Variants in CNOT7 observed in about 807,000 individuals in gnomAD.
CNOT7 encodes the protein BTG1-binding factor 1.
A neutral mutation model predicts 37.1 loss-of-function variants in CNOT7; 4 were observed. The observed-to-expected ratio is 0.11, with a 90% CI of 0.05 to 0.25. The LOEUF is 0.25. Ranked by LOEUF, CNOT7 falls within the 10% of genes least tolerant of loss-of-function variation. The pLI is 1.00. For synonymous variants in CNOT7, 128 were observed against 115.6 expected (o/e 1.11, Z -0.69); for missense variants, 170 against 336.2 (o/e 0.51, Z 3.87).
chr8:17,243,965 G>A (rs560060116), intron 2 of CNOT7, among the ~76,000 whole-genome samples: 2 of 152,102 alleles, frequency 1.3e-5, no homozygotes, highest in South Asian at 4.2e-4. Context: ...AAGATACATC[G>A]GTTTAGTATT....
chr8:17,230,894 A>T, intron 6 of CNOT7, 46 bp from the exon 7 acceptor site: 1 of 1,377,174 alleles, frequency 7.3e-7, no homozygotes. Context: ...TTTAACCAAA[A>T]GGAACCACTT....
In CNOT7 at chr8:17,225,361, C is replaced by CA. The variant is rs1370482579; in HGVS notation, c.*5358dup. ...TATATTCATGAATGCTTCTCATATA[C>CA]AAAAAATTCCTCCATACCAGGAAGG... On this transcript the variant is annotated 3_prime_UTR_variant, in exon 7 of 7. Transcript: ENST00000361272. 1 of 151,602 alleles carries CA rather than the reference C, an allele frequency of 6.6e-6. No individual in the cohort carries two copies. Among genetic ancestry groups the CA allele is most frequent in the Non-Finnish European group, 1.5e-5 (1 of 67,668 alleles). The allele number at this position is 151,602 out of a possible 1,614,324, so 9.4% of individuals were successfully genotyped here.
chr8:17,236,323 T>G (rs761466810), intron 4 of CNOT7, among the ~76,000 whole-genome samples: 2 of 152,214 alleles, frequency 1.3e-5, no homozygotes, highest in Non-Finnish European at 2.9e-5. Flanking sequence ...AACACAATGC[T>G]TTTTCAAAAC....
At position 17,225,569 on chromosome 8, in the gene CNOT7, T is replaced by C. The variant is rs867436783; in HGVS notation, c.*5151A>G. 6.6e-6 allele frequency: 1 copy of C among 151,728 alleles called. No individual in the cohort carries two copies. The highest frequency in any genetic ancestry group is 2.4e-5 in the African/African-American group (1 of 41,408). 9.4% of individuals were successfully genotyped at this position (151,728 alleles called of 1,614,324 possible). A position where few individuals can be genotyped will look rare whatever the true frequency, so the allele number is the denominator to read the frequency against. ...GCTGTAGAAAACTGTTTAAAACAAA[T>C]GGAAATTGTCTAGTGATAATGTACA... On this transcript the variant is annotated 3_prime_UTR_variant, in exon 7 of 7. Transcript: ENST00000361272.
chr8:17,227,808 G>T lies in CNOT7; in HGVS notation c.*2912C>A, dbSNP rs1485786575. 1.3e-5 allele frequency: 2 copies of T among 151,848 alleles called. No individual in the cohort carries two copies. Among genetic ancestry groups the T allele is most frequent in the East Asian group, 1.9e-4 (1 of 5,176 alleles). 9.4% of individuals were successfully genotyped at this position (151,848 alleles called of 1,614,324 possible). A position where few individuals can be genotyped will look rare whatever the true frequency, so the allele number is the denominator to read the frequency against. On this transcript the variant is annotated 3_prime_UTR_variant, in exon 7 of 7. Coordinates refer to ENST00000361272, the MANE Select transcript of CNOT7 (RefSeq NM_013354.7). ...CCATATTCCAATGTGCCTTGAAAGT[G>T]TAACATTCAAAGGTACTTTTCTTGT...
rs1328276454 is a variant in CNOT7 at position 17,229,586 on chromosome 8, C to T, written c.*1134G>A. On this transcript the variant is annotated 3_prime_UTR_variant, in exon 7 of 7. Coordinates refer to ENST00000361272, the MANE Select transcript of CNOT7 (RefSeq NM_013354.7). ...ATATAAAATAGATTGCAAAGATATACACAAAAAAATAAGCATTACACTCCT... is the reference window on the plus strand; with the variant it reads ...ATATAAAATAGATTGCAAAGATATATACAAAAAAATAAGCATTACACTCCT... The T allele has an allele frequency of 6.6e-6, 1 of 151,546 alleles. No individual in the cohort carries two copies. The highest frequency in any genetic ancestry group is 1.5e-5 in the Non-Finnish European group (1 of 67,678). 9.4% of individuals were successfully genotyped at this position (151,546 alleles called of 1,614,324 possible). A position where few individuals can be genotyped will look rare whatever the true frequency, so the allele number is the denominator to read the frequency against.
rs113899477 is a variant in CNOT7, at chr8:17,240,265, A to G, written c.311+2727T>C. Among the ~76,000 whole-genome samples the G allele has an allele frequency of 3.8e-4, 58 of 152,250 alleles. 1 individual carries two copies. Among genetic ancestry groups the G allele is most frequent in the Admixed American group, 2.5e-3 (39 of 15,312 alleles). The stretch of plus-strand genomic sequence containing the variant: ...CATCAGTGTAAATCAAGCTTGTCCA[A>G]CCTGCAGCCAGTGGGCCACATGTGG... On this transcript the variant is annotated intron_variant, in intron 3 of 6. Transcript: ENST00000361272.
intron 3 of CNOT7, among the ~76,000 whole-genome samples, chr8:17,239,823 T>G (rs1809906897): frequency 2.0e-5 from 3 of 152,254 alleles, no homozygotes; most frequent in African/African-American, 7.2e-5. Flanking sequence ...AAATTTGTTT[T>G]AATCCTCTTT....
Position 17,237,234 on chromosome 8 carries a change from C to T in CNOT7, c.451G>A (p.Val151Ile). 6.2e-7 allele frequency: 1 copy of T among 1,614,014 alleles called. No individual in the cohort carries two copies. Among genetic ancestry groups the T allele is most frequent in the Non-Finnish European group, 8.5e-7 (1 of 1,179,964 alleles). Residue 151 changes from valine (V) to isoleucine (I), a missense_variant, in exon 4 of 7, where the codon GTC becomes ATC. By Grantham distance (29) the Val-to-Ile change is conservative. Transcript: ENST00000361272. ...TACCTATGAAATGACAACCATTTGA[C>T]CCCTTCACAGAGGACCACTCCAGAA... ...MTSGVVLCEG[V>I]KWLSFHSGYD...
rs1261508709 is a variant in CNOT7, at chr8:17,227,485, C to G, written c.*3235G>C. ...GGCTGATGTCTTAATTTTCTCTGGA[C>G]ACATGTCTTTGGGTTGGTTACTATC... On this transcript the variant is annotated 3_prime_UTR_variant, in exon 7 of 7. Coordinates refer to ENST00000361272, the MANE Select transcript of CNOT7 (RefSeq NM_013354.7). 6.6e-6 allele frequency: 1 copy of G among 151,838 alleles called. No homozygotes were observed. Among genetic ancestry groups the G allele is most frequent in the African/African-American group, 2.4e-5 (1 of 41,420 alleles). 9.4% of individuals were successfully genotyped at this position (151,838 alleles called of 1,614,324 possible).
Position 17,225,983 on chromosome 8 carries a change from A to T in CNOT7, c.*4737T>A, listed in dbSNP as rs1016426685. The T allele has an allele frequency of 1.5e-5, 2 of 131,304 alleles. No homozygotes were observed. Among genetic ancestry groups the T allele is most frequent in the Admixed American group, 1.6e-4 (2 of 12,650 alleles). 8.1% of individuals were successfully genotyped at this position (131,304 alleles called of 1,614,324 possible). The stretch of plus-strand genomic sequence containing the variant: ...CAATGCAGATGAAATAGCAAACAGG[A>T]CAGACATAGACCCTTGAGTTTCTTC... On this transcript the variant is annotated 3_prime_UTR_variant, in exon 7 of 7. Coordinates refer to ENST00000361272, the MANE Select transcript of CNOT7 (RefSeq NM_013354.7).
At chr8:17,235,743 TTAAAC>T (rs1563195702) in intron 4 of CNOT7, among the ~76,000 whole-genome samples, 3 of 152,288 alleles carry the variant, frequency 2.0e-5, no homozygotes, top group Non-Finnish European at 1.5e-5. Context: ...TATAAACTTC[TTAAAC>T]TATTCTTCAT....
At position 17,245,216 on chromosome 8, in the gene CNOT7, T is replaced by C. The variant is rs764472456; in HGVS notation, c.-64A>G. The C allele has an allele frequency of 5.0e-5, 75 of 1,500,520 alleles. No individual in the cohort carries two copies. Among genetic ancestry groups the C allele is most frequent in the Non-Finnish European group, 6.1e-5 (68 of 1,121,360 alleles). The allele number at this position is 1,500,520 out of a possible 1,614,324, so 93.0% of individuals were successfully genotyped here. ...ATGTTATACTTGATTGAAGATTTGT[T>C]TCATAAAATATTTTATCCTTTATTT... On this transcript the variant is annotated 5_prime_UTR_variant, in exon 2 of 7. Transcript: ENST00000361272.
At position 17,231,467 on chromosome 8, in the gene CNOT7, C is replaced by T. The variant is rs151210331; in HGVS notation, c.730-619G>A. The stretch of plus-strand genomic sequence containing the variant: ...GAAGGAGTCCAAAACAAAATATTTA[C>T]GTGTCATGAATGGATAGTCCAAATC... On this transcript the variant is annotated intron_variant, in intron 6 of 6. Coordinates refer to ENST00000361272, the MANE Select transcript of CNOT7 (RefSeq NM_013354.7). 149 of 935,684 alleles carry T rather than the reference C, an allele frequency of 1.6e-4. 1 individual carries two copies. The East Asian group carries it at 0.012, about 73-fold the overall frequency. The allele number at this position is 935,684 out of a possible 1,614,324, so 58.0% of individuals were successfully genotyped here.
chr8:17,239,989 A>C (rs575912249), intron 3 of CNOT7, among the ~76,000 whole-genome samples: 1 of 152,236 alleles, frequency 6.6e-6, no homozygotes, highest in Non-Finnish European at 1.5e-5. Flanking sequence ...GAGAGAAAAC[A>C]GAAGAGTTAC....
intron 1 of CNOT7, chr8:17,245,970 A>C (rs933851727): frequency 4.6e-5 from 7 of 151,466 alleles, no homozygotes; most frequent in African/African-American, 1.7e-4. Context: ...AAAAAACAAG[A>C]GTAAAAAGAG....
chr8:17,232,055 T>C (rs2904696), intron 6 of CNOT7: 712,752 of 1,030,958 alleles, frequency 0.69, 252,290 homozygotes, highest in Non-Finnish European at 0.73. Context: ...TTCCTTGCCT[T>C]GTAGGAGGAG....
chr8:17,232,073 G>T (rs747284398), intron 6 of CNOT7: 15 of 1,027,696 alleles, frequency 1.5e-5, no homozygotes, highest in Non-Finnish European at 1.7e-5. Context: ...GAGCACCAAT[G>T]GGAGTCAGAA....
chr8:17,234,913 T>C, intron 4 of CNOT7, 53 bp from the exon 5 acceptor site: 1 of 1,515,892 alleles, frequency 6.6e-7, no homozygotes, highest in Non-Finnish European at 8.9e-7. Context: ...ACTATAAAGA[T>C]TAAAAAAAAA....
Sources: allele counts gnomAD v4.1 joint callset (sites outside exome capture counted in the v4.1 genomes callset), GRCh38; gene constraint gnomAD v4.1.1; transcripts MANE v1.5; gene names NCBI Gene and HGNC (gene_info 2026-07-23, HGNC 2026-07-21).